FARP1: variants seen among roughly 807,000 people sequenced by gnomAD.
FARP1 encodes FERM, ARH/RhoGEF and pleckstrin domain protein 1.
Under a neutral mutation model 128.8 loss-of-function variants are expected in FARP1, and 52 were observed. The observed-to-expected ratio is 0.40, with a 90% confidence interval of 0.32 to 0.51. FARP1 has a LOEUF of 0.51. FARP1 is among the 20% of genes least tolerant of loss of function. The probability of loss-of-function intolerance (pLI) is 0.45; values close to 1 mark genes in which losing one functional copy is unlikely to be tolerated. For synonymous variants in FARP1, 580 were observed against 551.8 expected (o/e 1.05, Z -0.72); for missense variants, 1,333 against 1,367.9 (o/e 0.97, Z 0.40).
chr13:98,169,784 C>T (rs868072358), intron 1 of FARP1, among the ~76,000 whole-genome samples: 8 of 152,068 alleles, frequency 5.3e-5, no homozygotes, highest in Admixed American at 2.6e-4. Flanking sequence ...TCATGTACTT[C>T]GGTGTAGATC....
Position 98,290,784 on chromosome 13 carries a change from G to A in FARP1, c.172-52978G>A, listed in dbSNP as rs1224974202. On this transcript the variant is annotated intron_variant, in intron 2 of 26. Coordinates refer to ENST00000319562, the MANE Select transcript of FARP1 (RefSeq NM_005766.4). ...CTGACAAGATCTCCTAAAGAATTGG[G>A]TATTGAATGTGTGAGAAAGAGGAGT... 2.0e-5 allele frequency among the ~76,000 whole-genome samples: 3 copies of A among 152,148 alleles called. No homozygotes were observed. The East Asian group carries it at 5.8e-4, about 29-fold the overall frequency.
chr13:98,272,782 T>G (rs1211629512), intron 2 of FARP1, among the ~76,000 whole-genome samples: 5 of 152,144 alleles, frequency 3.3e-5, no homozygotes, highest in African/African-American at 1.2e-4. Context: ...CAGAGATGAT[T>G]AGTGAGGATT....
chr13:98,172,561 GAA>G (rs770775149), intron 1 of FARP1, among the ~76,000 whole-genome samples: 1 of 152,168 alleles, frequency 6.6e-6, no homozygotes, highest in Non-Finnish European at 1.5e-5. Flanking sequence ...CAGAAGCAGA[GAA>G]AAGTTACCTG....
intron 1 of FARP1, among the ~76,000 whole-genome samples, chr13:98,174,556 G>A (rs1877862274): frequency 6.6e-6 from 1 of 152,144 alleles, no homozygotes; most frequent in Non-Finnish European, 1.5e-5. Context: ...ACGGACTTAG[G>A]GGTAGGGCCC....
intron 12 of FARP1, among the ~76,000 whole-genome samples, chr13:98,394,429 GT>G (rs1405002004): frequency 6.6e-6 from 1 of 152,224 alleles, no homozygotes; most frequent in Non-Finnish European, 1.5e-5. Context: ...GCCTTCAGGG[GT>G]CCCTGATGTG....
intron 2 of FARP1, among the ~76,000 whole-genome samples, chr13:98,268,683 G>C (rs541659640): frequency 2.0e-5 from 3 of 151,820 alleles, no homozygotes; most frequent in Non-Finnish European, 2.9e-5. Flanking sequence ...GGCCAGGATG[G>C]TCTCGAACTT....
intron 5 of FARP1, among the ~76,000 whole-genome samples, chr13:98,371,130 G>A (rs557877654): frequency 2.0e-5 from 3 of 152,086 alleles, no homozygotes; most frequent in East Asian, 1.9e-4. Flanking sequence ...CATCGGTAGC[G>A]TGCCTTTTCC....
chr13:98,373,992 C>CTTT, intron 5 of FARP1, among the ~76,000 whole-genome samples: 1 of 152,232 alleles, frequency 6.6e-6, no homozygotes, highest in Middle Eastern at 3.4e-3. Flanking sequence ...CATTGCATTC[C>CTTT]CATTGCCCGT....
intron 17 of FARP1, 63 bp from the exon 18 acceptor site, chr13:98,430,980 G>A: frequency 3.9e-6 from 4 of 1,032,446 alleles, no homozygotes; most frequent in Non-Finnish European, 5.9e-6. Flanking sequence ...AAGTGAAACT[G>A]GGCAGAACAC....
chr13:98,263,858 TC>T lies in FARP1; in HGVS notation c.171+50453del, dbSNP rs369691299. On this transcript the variant is annotated intron_variant, in intron 2 of 26. Coordinates refer to ENST00000319562, the MANE Select transcript of FARP1 (RefSeq NM_005766.4). ...TCCTTTTCCCATTTATTTTTAGTGC[TC>T]CCCCCCCAACAACATTTTATTAGTT... 3.0e-3 allele frequency among the ~76,000 whole-genome samples: 450 copies of T among 151,576 alleles called. 10 individuals are homozygous for T. In the East Asian group the frequency reaches 0.036, roughly 12 times the overall value.
intron 24 of FARP1, among the ~76,000 whole-genome samples, chr13:98,442,338 G>A (rs1892559167): frequency 6.6e-6 from 1 of 152,218 alleles, no homozygotes; most frequent in Non-Finnish European, 1.5e-5. Context: ...TTTATTCTCG[G>A]GAAACGACCT....
In FARP1 at chr13:98,446,821, G is replaced by C; in HGVS notation, c.3056+4G>C. 1 of 1,613,976 alleles carries C rather than the reference G, an allele frequency of 6.2e-7. No homozygotes were observed. The highest frequency in any genetic ancestry group is 1.1e-5 in the South Asian group (1 of 91,056). On this transcript the variant is annotated splice_donor_region_variant and intron_variant, in intron 26 of 26. Coordinates refer to ENST00000319562, the MANE Select transcript of FARP1 (RefSeq NM_005766.4). ...AAAGCGAGTACACGTTCGAAAGGTAGACACCCCCTTCCCACGCACAGGGCC... is the reference window on the plus strand; with the variant it reads ...AAAGCGAGTACACGTTCGAAAGGTACACACCCCCTTCCCACGCACAGGGCC...
intron 1 of FARP1, among the ~76,000 whole-genome samples, chr13:98,179,524 A>C (rs1007977109): frequency 1.3e-5 from 2 of 152,076 alleles, no homozygotes; most frequent in Non-Finnish European, 2.9e-5. Flanking sequence ...CTGTGATAAG[A>C]GCTGTAGAAG....
chr13:98,176,468 A>G lies in FARP1; in HGVS notation c.-24+32976A>G. On this transcript the variant is annotated intron_variant, in intron 1 of 26. Transcript: ENST00000319562. This position sits in a 1 kb window ranked among gnomAD's most constrained non-coding sequence, Gnocchi z 6.2. ...TTTTGGAAGGCCTGGCGACATATGA[A>G]ACACCTGAATGGTATTTCCTCTTCC... The G allele has an allele frequency of 6.2e-7, 1 of 1,614,204 alleles. No homozygotes were observed. Among genetic ancestry groups the G allele is most frequent in the Non-Finnish European group, 8.5e-7 (1 of 1,180,038 alleles).
intron 2 of FARP1, among the ~76,000 whole-genome samples, chr13:98,277,456 C>T (rs1033591110): frequency 2.6e-5 from 4 of 152,122 alleles, no homozygotes; most frequent in Admixed American, 2.0e-4. Context: ...CCATGCCTGG[C>T]TTTAGAAAGA....
intron 1 of FARP1, among the ~76,000 whole-genome samples, chr13:98,150,927 T>A (rs1875951685): frequency 6.6e-6 from 1 of 151,946 alleles, no homozygotes; most frequent in Admixed American, 6.6e-5. Flanking sequence ...GAAAAATGGG[T>A]GCCTTGGGCA....
chr13:98,344,556 T>C (rs1158455262), intron 3 of FARP1, among the ~76,000 whole-genome samples: 1 of 152,146 alleles, frequency 6.6e-6, no homozygotes, highest in Non-Finnish European at 1.5e-5. Context: ...GTGTATTTCC[T>C]GGAGCACGGG....
rs575162885 is a variant in FARP1, at chr13:98,247,499, TG to T, written c.171+34091del. Among the ~76,000 whole-genome samples the T allele has an allele frequency of 5.7e-3, 872 of 152,190 alleles. 31 individuals are homozygous for T. The highest frequency in any genetic ancestry group is 0.054 in the Admixed American group (823 of 15,280). On this transcript the variant is annotated intron_variant, in intron 2 of 26. Transcript: ENST00000319562. ...GGGCTATCCATCCCCGCAGCCCTGC[TG>T]GGGGAGTGGAGCTCACTGGGAGGAC...
intron 1 of FARP1, chr13:98,178,053 C>G (rs765725367): frequency 3.3e-5 from 5 of 152,044 alleles, no homozygotes; most frequent in African/African-American, 4.8e-5. Flanking sequence ...GTGTAGCTGG[C>G]TTTCATTTTG....
Sources: gnomAD v4.1 joint callset for allele counts (sites outside exome capture counted in the v4.1 genomes callset) on GRCh38, gnomAD v4.1.1 for gene constraint, Gnocchi (gnomAD v3.1) non-coding constraint, MANE v1.5 for transcripts, NCBI Gene and HGNC (gene_info 2026-07-23, HGNC 2026-07-21) for gene names.